TRPM3: variants seen among roughly 807,000 people sequenced by gnomAD.
The protein encoded by TRPM3 is long transient receptor potential channel 3.
A neutral mutation model predicts 181.2 loss-of-function variants in TRPM3; 77 were observed. That is an observed-to-expected ratio of 0.42 (90% CI 0.35 to 0.51). The LOEUF (loss-of-function observed/expected upper bound fraction) is 0.51. Ranked by LOEUF, TRPM3 falls within the 20% of genes least tolerant of loss-of-function variation. TRPM3 has a pLI of 0.01. For synonymous variants in TRPM3, 745 were observed against 796.4 expected, an observed-to-expected ratio of 0.94 and a Z score of 1.09; for missense variants, 1,759 against 2,196.7, an observed-to-expected ratio of 0.80 and a Z score of 3.98.
chr9:71,213,380 A>G (rs2079635337), intron 1 of TRPM3, among the ~76,000 whole-genome samples: 1 of 152,206 alleles, frequency 6.6e-6, no homozygotes, highest in Admixed American at 6.5e-5. Flanking sequence ...TACGGGCCTT[A>G]GTTAGCCAAA....
chr9:70,907,636 A>G (rs1227898125), intron 1 of TRPM3, among the ~76,000 whole-genome samples: 1 of 152,160 alleles, frequency 6.6e-6, no homozygotes, highest in Non-Finnish European at 1.5e-5. Context: ...TTGAGCTTCT[A>G]CTGATCCCAT....
intron 8 of TRPM3, among the ~76,000 whole-genome samples, chr9:70,686,617 C>CCTTA (rs2066880384): frequency 1.0e-5 from 1 of 96,934 alleles, no homozygotes; most frequent in Non-Finnish European, 2.0e-5. Context: ...TCCCGCCCTT[C>CCTTA]CTGGAAACTC....
chr9:70,993,719 C>T (rs2097512280), intron 1 of TRPM3, among the ~76,000 whole-genome samples: 1 of 149,738 alleles, frequency 6.7e-6, no homozygotes, highest in African/African-American at 2.5e-5. Flanking sequence ...AGAAAGCGCT[C>T]CACTGCAGTG....
chr9:71,295,600 CAGG>C (rs1359736080), intron 1 of TRPM3, among the ~76,000 whole-genome samples: 3 of 147,584 alleles, frequency 2.0e-5, no homozygotes, highest in African/African-American at 7.4e-5. Flanking sequence ...GAGGCTGAGG[CAGG>C]AGGATAGCTT....
In TRPM3 at chr9:71,240,694, T is replaced by C. The variant is rs571309011; in HGVS notation, c.183+205959A>G. ...GTAAAAAAAGTTATTTTAAGACTTT[T>C]ATAAAAATATTTTTAGTGGTGAGTT... On this transcript the variant is annotated intron_variant, in intron 1 of 24. Coordinates refer to the TRPM3 transcript ENST00000357533. Among the ~76,000 whole-genome samples, 15 of 152,156 alleles carry C rather than the reference T, an allele frequency of 9.9e-5. No homozygotes were observed. In the South Asian group the frequency reaches 2.3e-3, roughly 23 times the overall value.
intron 20 of TRPM3, among the ~76,000 whole-genome samples, chr9:70,599,337 A>C (rs1377304707): frequency 6.6e-6 from 1 of 152,162 alleles, no homozygotes; most frequent in Admixed American, 6.6e-5. Context: ...TTCAAGCTGC[A>C]CCCTTAGGAG....
rs796782952 is a variant in TRPM3, at chr9:71,304,189, A to G, written c.183+142464T>C. 3.0e-4 allele frequency among the ~76,000 whole-genome samples: 45 copies of G among 152,352 alleles called. 1 individual carries two copies. The highest frequency in any genetic ancestry group is 1.0e-3 in the African/African-American group (42 of 41,590). On this transcript the variant is annotated intron_variant, in intron 1 of 24. Transcript: ENST00000357533. ...TGTCTACACAGCTATAGAGATAGTA[A>G]TATTATATACTTATACTATTTTATT...
chr9:70,878,137 A>G (rs17556762), intron 1 of TRPM3, among the ~76,000 whole-genome samples: 4,768 of 152,140 alleles, frequency 0.031, 122 homozygotes, highest in Middle Eastern at 0.058. Context: ...AATGATTTGA[A>G]AGCGAATTGT....
chr9:71,032,008 A>T (rs868695079), intron 1 of TRPM3, among the ~76,000 whole-genome samples: 17 of 1,574 alleles, frequency 0.011, 2 homozygotes, highest in East Asian at 0.33. Flanking sequence ...TAATTATATA[A>T]TATATAATAT....
chr9:71,238,077 G>C (rs2081466235), intron 1 of TRPM3, among the ~76,000 whole-genome samples: 1 of 152,116 alleles, frequency 6.6e-6, no homozygotes, highest in Non-Finnish European at 1.5e-5. Flanking sequence ...TGAAGAATTG[G>C]CTGAAATTCA....
chr9:70,960,399 G>A (rs1204478024), intron 1 of TRPM3, among the ~76,000 whole-genome samples: 1 of 152,100 alleles, frequency 6.6e-6, no homozygotes, highest in East Asian at 1.9e-4. Context: ...AGATATTGCA[G>A]CTTGCATATT....
intron 22 of TRPM3, among the ~76,000 whole-genome samples, chr9:70,562,584 G>A (rs1015172526): frequency 2.0e-5 from 3 of 150,060 alleles, no homozygotes; most frequent in Non-Finnish European, 4.4e-5. Context: ...TTAGCAGGAT[G>A]TCGCAAATCT....
At chr9:71,420,600 G>GAAAGAGA (rs1210204444) in intron 1 of TRPM3, among the ~76,000 whole-genome samples, 1 of 133,720 alleles carries the variant, frequency 7.5e-6, no homozygotes, top group Non-Finnish European at 1.6e-5. Context: ...AAGAGAAAGA[G>GAAAGAGA]AAGAGAAAGA....
intron 21 of TRPM3, among the ~76,000 whole-genome samples, chr9:70,594,099 CAAAAT>C (rs2058589537): frequency 7.3e-6 from 1 of 137,368 alleles, no homozygotes; most frequent in African/African-American, 2.7e-5. Flanking sequence ...ATTACAAAAA[CAAAAT>C]AAAGGCTTCC....
intron 5 of TRPM3, among the ~76,000 whole-genome samples, chr9:70,837,555 T>C (rs2094401972): frequency 6.6e-6 from 1 of 152,224 alleles, no homozygotes; most frequent in Admixed American, 6.5e-5. Flanking sequence ...GTCTTGTTAA[T>C]CTAGATTTCA....
At chr9:70,994,756 T>C (rs1004049145) in intron 1 of TRPM3, among the ~76,000 whole-genome samples, 1 of 152,230 alleles carries the variant, frequency 6.6e-6, no homozygotes, top group Non-Finnish European at 1.5e-5. Context: ...ATTAAACACG[T>C]GCATCAGCTA....
intron 1 of TRPM3, among the ~76,000 whole-genome samples, chr9:70,910,870 G>A (rs1394500837): frequency 6.6e-6 from 1 of 152,162 alleles, no homozygotes; most frequent in African/African-American, 2.4e-5. Flanking sequence ...GGAATATATG[G>A]CTTTCAACTC....
upstream of TRPM3, chr9:71,121,708 G>A: frequency 6.5e-6 from 6 of 929,688 alleles, no homozygotes; most frequent in Non-Finnish European, 7.9e-6. Context: ...AGCTTGGTTT[G>A]GGGGGGAGCC....
intron 1 of TRPM3, among the ~76,000 whole-genome samples, chr9:71,162,809 A>C (rs1024007650): frequency 2.0e-5 from 3 of 152,224 alleles, no homozygotes; most frequent in African/African-American, 7.2e-5. Context: ...TAAACAGATT[A>C]TTCCAGAAAA....
Sources: gnomAD v4.1 joint callset for allele counts (sites outside exome capture counted in the v4.1 genomes callset) on GRCh38, gnomAD v4.1.1 for gene constraint, MANE v1.5 for transcripts, NCBI Gene and HGNC (gene_info 2026-07-23, HGNC 2026-07-21) for gene names.